Variants in ANKS1B observed in about 807,000 individuals in gnomAD.
The protein encoded by ANKS1B is ankyrin repeat and sterile alpha motif domain-containing protein 1B.
ANKS1B carries 36 observed loss-of-function variants against 148.3 expected under a neutral mutation model. The ratio of observed to expected loss-of-function variants is 0.24; its 90% confidence interval spans 0.19 to 0.32. The LOEUF (loss-of-function observed/expected upper bound fraction) is 0.32, where lower values mean the gene tolerates loss of function less well. Ranked by LOEUF, ANKS1B falls within the 10% of genes least tolerant of loss-of-function variation. The pLI, the probability that ANKS1B is intolerant of heterozygous loss-of-function variation, is 1.00. For missense variants in ANKS1B, 1,157 were observed against 1,542.6 expected, an observed-to-expected ratio of 0.75 and a Z score of 4.19; for synonymous variants, 542 against 560.8, an observed-to-expected ratio of 0.97 and a Z score of 0.47.
At chr12:98,975,636 C>G (rs1358364501) in intron 17 of ANKS1B, among the ~76,000 whole-genome samples, 1 of 152,074 alleles carries the variant, frequency 6.6e-6, no homozygotes, top group Non-Finnish European at 1.5e-5. Flanking sequence ...TCACAGGGAG[C>G]ATTTTTGTTT....
chr12:99,983,787 G>A (rs1046876049), intron 1 of ANKS1B, among the ~76,000 whole-genome samples: 16 of 152,304 alleles, frequency 1.1e-4, no homozygotes, highest in Admixed American at 9.8e-4. Flanking sequence ...TGTAATAAAT[G>A]TTGATGGAAA....
intron 17 of ANKS1B, among the ~76,000 whole-genome samples, chr12:98,977,759 A>T (rs1019837645): frequency 3.4e-4 from 52 of 152,188 alleles, no homozygotes; most frequent in Admixed American, 2.0e-4. Flanking sequence ...TGTTTATGTC[A>T]CTGTAAAACT....
intron 1 of ANKS1B, among the ~76,000 whole-genome samples, chr12:99,845,413 T>C (rs2086492489): frequency 6.6e-6 from 1 of 152,184 alleles, no homozygotes; most frequent in Admixed American, 6.5e-5. Flanking sequence ...AATACCTAGT[T>C]TACTGAGAGT....
At chr12:99,829,443 G>A (rs950490878) in intron 1 of ANKS1B, among the ~76,000 whole-genome samples, 1 of 152,114 alleles carries the variant, frequency 6.6e-6, no homozygotes, top group Non-Finnish European at 1.5e-5. Context: ...GAGGTCAGGA[G>A]ATCGAGACCA....
intron 14 of ANKS1B, among the ~76,000 whole-genome samples, chr12:99,243,382 T>C (rs979073523): frequency 2.0e-5 from 3 of 152,206 alleles, no homozygotes. Context: ...AAACAACAGA[T>C]GCTGGAGAGG....
At chr12:99,471,328 T>TA (rs2096238641) in intron 10 of ANKS1B, among the ~76,000 whole-genome samples, 1 of 151,866 alleles carries the variant, frequency 6.6e-6, no homozygotes, top group Non-Finnish European at 1.5e-5. Context: ...TCATATATAT[T>TA]TATGAGTCCA....
chr12:99,497,683 C>T (rs2096617181), intron 10 of ANKS1B, among the ~76,000 whole-genome samples: 1 of 151,630 alleles, frequency 6.6e-6, no homozygotes, highest in Non-Finnish European at 1.5e-5. Flanking sequence ...TACAATGATT[C>T]TATATCCAAA....
intron 1 of ANKS1B, among the ~76,000 whole-genome samples, chr12:99,839,111 T>C (rs893214513): frequency 2.6e-5 from 4 of 152,168 alleles, no homozygotes; most frequent in Non-Finnish European, 5.9e-5. Context: ...CACAGTAGCA[T>C]GTGCCTATAG....
At chr12:99,086,100 T>G (rs2051689310) in intron 15 of ANKS1B, among the ~76,000 whole-genome samples, 1 of 152,170 alleles carries the variant, frequency 6.6e-6, no homozygotes, top group Non-Finnish European at 1.5e-5. Flanking sequence ...TACCCACAAC[T>G]GCCTTTATTC....
In ANKS1B at chr12:99,779,917, T is replaced by C. The variant is rs2064076565; in HGVS notation, c.801A>G (p.Lys267=). ...SLGRTVLDIL[K]EHPSQKSLQI... Reference sequence around the variant, plus strand: ...GGAGAGATTTCTGAGATGGATGTTCTTTCAGAATGTCCAAGACAGTTCTAC... The same window carrying C: ...GGAGAGATTTCTGAGATGGATGTTCCTTCAGAATGTCCAAGACAGTTCTAC... Residue 267 remains lysine (K), a synonymous_variant, in exon 6 of 27, where the codon AAA becomes AAG. Transcript: ENST00000683438. The C allele has an allele frequency of 1.2e-6, 2 of 1,612,588 alleles. No individual in the cohort carries two copies. Among genetic ancestry groups the C allele is most frequent in the Admixed American group, 1.7e-5 (1 of 59,716 alleles).
At chr12:99,459,141 A>G (rs1480903959) in intron 10 of ANKS1B, among the ~76,000 whole-genome samples, 3 of 152,196 alleles carry the variant, frequency 2.0e-5, no homozygotes, top group African/African-American at 7.2e-5. Context: ...CACCACATAA[A>G]CAGAATTAAA....
chr12:98,967,751 T>TAAAAAAA (rs544792811), intron 17 of ANKS1B, among the ~76,000 whole-genome samples: 1 of 81,358 alleles, frequency 1.2e-5, no homozygotes, highest in Non-Finnish European at 2.9e-5. Context: ...CAGACAAATC[T>TAAAAAAA]AAAAAAAAAA....
At chr12:99,576,224 A>G (rs185157848) in intron 9 of ANKS1B, among the ~76,000 whole-genome samples, 2 of 152,172 alleles carry the variant, frequency 1.3e-5, no homozygotes, top group East Asian at 3.9e-4. Flanking sequence ...TAGGCACCCA[A>G]CACCAGAGAA....
intron 8 of ANKS1B, among the ~76,000 whole-genome samples, chr12:99,696,949 T>C (rs536086076): frequency 6.6e-6 from 1 of 152,302 alleles, no homozygotes; most frequent in South Asian, 2.1e-4. Context: ...CCAAAGAAGA[T>C]ATACAGATGC....
At chr12:99,514,188 C>T (rs995369787) in intron 9 of ANKS1B, among the ~76,000 whole-genome samples, 18 of 151,936 alleles carry the variant, frequency 1.2e-4, no homozygotes, top group East Asian at 7.7e-4. Flanking sequence ...TAGCAAAATT[C>T]CATGTTCATA....
At chr12:99,794,103 A>T (rs535058093) in intron 4 of ANKS1B, among the ~76,000 whole-genome samples, 1 of 152,224 alleles carries the variant, frequency 6.6e-6, no homozygotes, top group East Asian at 1.9e-4. Flanking sequence ...GAGAAATGCA[A>T]ATCAAAACTG....
At chr12:99,812,549 A>G (rs1190375204) in intron 2 of ANKS1B, among the ~76,000 whole-genome samples, 1 of 90,730 alleles carries the variant, frequency 1.1e-5, no homozygotes, top group Non-Finnish European at 2.3e-5. Context: ...ACACACACAC[A>G]CACACACACA....
intron 6 of ANKS1B, 146 bp downstream of exon 6, chr12:99,779,725 T>A (rs1264614805): frequency 1.7e-6 from 1 of 595,100 alleles, no homozygotes; most frequent in Non-Finnish European, 2.9e-6. Context: ...GGTATTATTA[T>A]TTAGTTTAAA....
Position 99,674,648 on chromosome 12 carries a change from G to T in ANKS1B, c.1129-19438C>A, listed in dbSNP as rs989187217. Among the ~76,000 whole-genome samples, 3 of 151,670 alleles carry T rather than the reference G, an allele frequency of 2.0e-5. No homozygotes were observed. In the South Asian group the frequency reaches 6.2e-4, roughly 31 times the overall value. On this transcript the variant is annotated intron_variant, in intron 8 of 26. Transcript: ENST00000683438. ...TACTCAATAAACTATGATGGGAAAT[G>T]AGTTTATGTGTCTGAAAACAAAACA...
Sources: gnomAD v4.1 joint callset for allele counts (sites outside exome capture counted in the v4.1 genomes callset) on GRCh38, gnomAD v4.1.1 for gene constraint, MANE v1.5 for transcripts, NCBI Gene and HGNC (gene_info 2026-07-23, HGNC 2026-07-21) for gene names.